The following NEGR1 variants were observed in gnomAD, a reference collection of about 807,000 sequenced individuals.
The protein encoded by NEGR1 is neuronal growth regulator 1, also known as IgLON family member 4.
NEGR1 carries 10 observed loss-of-function variants against 40.9 expected under a neutral mutation model. The ratio of observed to expected loss-of-function variants is 0.24; its 90% CI spans 0.15 to 0.42. The LOEUF is 0.42. Among genes scored for constraint, NEGR1 ranks in the 10% least tolerant of loss-of-function variants. The pLI, the probability that NEGR1 is intolerant of heterozygous loss-of-function variation, is 1.00. For synonymous variants in NEGR1, 185 were observed against 166.8 expected (o/e 1.11, Z -0.84); for missense variants, 352 against 438.9 (o/e 0.80, Z 1.77).
intron 2 of NEGR1, among the ~76,000 whole-genome samples, chr1:71,805,608 T>G (rs899167817): frequency 1.3e-5 from 2 of 152,310 alleles, no homozygotes; most frequent in South Asian, 2.1e-4. Flanking sequence ...AACATAATTT[T>G]AGAGATAATT....
chr1:72,027,578 T>C (rs1469036649), intron 1 of NEGR1, among the ~76,000 whole-genome samples: 2 of 152,094 alleles, frequency 1.3e-5, no homozygotes, highest in Non-Finnish European at 2.9e-5. Context: ...AAATATTAAA[T>C]CTGCCAGAAC....
intron 4 of NEGR1, among the ~76,000 whole-genome samples, chr1:71,628,145 T>C (rs961637141): frequency 4.6e-5 from 7 of 152,056 alleles, no homozygotes; most frequent in Non-Finnish European, 8.8e-5. Context: ...TTCTGAATTA[T>C]TGTCTCTTCT....
At chr1:72,018,289 C>T (rs899150053) in intron 1 of NEGR1, among the ~76,000 whole-genome samples, 1 of 152,094 alleles carries the variant, frequency 6.6e-6, no homozygotes, top group Non-Finnish European at 1.5e-5. Context: ...AAATAATGCC[C>T]TTGCCTTTAA....
intron 1 of NEGR1, among the ~76,000 whole-genome samples, chr1:72,179,904 G>T (rs1652302967): frequency 6.6e-6 from 1 of 151,860 alleles, no homozygotes; most frequent in Non-Finnish European, 1.5e-5. Context: ...TAAATGGAAA[G>T]ATATCCCTTG....
chr1:72,090,970 A>G (rs112367262), intron 1 of NEGR1, among the ~76,000 whole-genome samples: 3,489 of 152,328 alleles, frequency 0.023, 128 homozygotes, highest in African/African-American at 0.08. Flanking sequence ...TGCAGTGTAC[A>G]TGCAGATGCA....
At chr1:71,792,814 G>A (rs1038417061) in intron 2 of NEGR1, among the ~76,000 whole-genome samples, 1 of 152,062 alleles carries the variant, frequency 6.6e-6, no homozygotes, top group African/African-American at 2.4e-5. Flanking sequence ...CTTTTTGAAA[G>A]GGGGCATTAA....
chr1:71,401,375 T>A lies in NEGR1; in HGVS notation c.*6071A>T, dbSNP rs1469325585. 6.6e-6 allele frequency: 1 copy of A among 152,202 alleles called. No individual in the cohort carries two copies. 9.4% of individuals were successfully genotyped at this position (152,202 alleles called of 1,614,324 possible). A position where few individuals can be genotyped will look rare whatever the true frequency, so the allele number is the denominator to read the frequency against. On this transcript the variant is annotated 3_prime_UTR_variant, in exon 7 of 7. Transcript: ENST00000357731. ...AAATTATCCTTTTATCTGGTTGTAATGTCTTATCAGGTCCTTCATTAATGA... is the reference window on the plus strand; with the variant it reads ...AAATTATCCTTTTATCTGGTTGTAAAGTCTTATCAGGTCCTTCATTAATGA...
chr1:71,509,626 T>C (rs1258447187), intron 6 of NEGR1, among the ~76,000 whole-genome samples: 1 of 152,152 alleles, frequency 6.6e-6, no homozygotes, highest in Non-Finnish European at 1.5e-5. Flanking sequence ...AAAATACACA[T>C]GGCCACTGAA....
intron 1 of NEGR1, among the ~76,000 whole-genome samples, chr1:72,139,970 T>C (rs1409941807): frequency 6.6e-6 from 1 of 152,120 alleles, no homozygotes; most frequent in Non-Finnish European, 1.5e-5. Context: ...AGCCATTAGA[T>C]GAGTTTACCA....
intron 1 of NEGR1, among the ~76,000 whole-genome samples, chr1:72,030,084 C>A (rs932342107): frequency 2.6e-5 from 4 of 151,724 alleles, no homozygotes; most frequent in Non-Finnish European, 4.4e-5. Context: ...ATAAAGCCAG[C>A]CCTCATGTAG....
chr1:72,014,740 T>C (rs1203508564), intron 1 of NEGR1, among the ~76,000 whole-genome samples: 1 of 152,062 alleles, frequency 6.6e-6, no homozygotes, highest in Non-Finnish European at 1.5e-5. Context: ...TAAACCAATG[T>C]GGACATTGAG....
chr1:71,497,501 T>C (rs1426036941), intron 6 of NEGR1, among the ~76,000 whole-genome samples: 1 of 152,152 alleles, frequency 6.6e-6, no homozygotes, highest in Non-Finnish European at 1.5e-5. Context: ...GGGTTATTGA[T>C]CTTTTTTATA....
chr1:72,149,553 A>C (rs564520799), intron 1 of NEGR1, among the ~76,000 whole-genome samples: 1 of 152,256 alleles, frequency 6.6e-6, no homozygotes, highest in African/African-American at 2.4e-5. Context: ...CATGAAGCAC[A>C]ATCAATTAAT....
intron 1 of NEGR1, among the ~76,000 whole-genome samples, chr1:72,240,999 T>C (rs979194323): frequency 3.3e-5 from 5 of 151,814 alleles, no homozygotes; most frequent in African/African-American, 1.2e-4. Flanking sequence ...AAAACTGCAT[T>C]GACAGGATTA....
At chr1:72,090,143 T>C (rs1398081753) in intron 1 of NEGR1, among the ~76,000 whole-genome samples, 1 of 152,036 alleles carries the variant, frequency 6.6e-6, no homozygotes, top group African/African-American at 2.4e-5. Flanking sequence ...TTCTTAAATA[T>C]ACCTATGAGC....
intron 4 of NEGR1, among the ~76,000 whole-genome samples, chr1:71,675,656 T>C (rs1652603786): frequency 6.6e-6 from 1 of 151,990 alleles, no homozygotes; most frequent in African/African-American, 2.4e-5. Context: ...TTCAAAGAGA[T>C]AGTTAGAAAC....
At chr1:71,496,133 A>G (rs1003982246) in intron 6 of NEGR1, among the ~76,000 whole-genome samples, 8 of 152,122 alleles carry the variant, frequency 5.3e-5, no homozygotes, top group Admixed American at 2.0e-4. Context: ...AGATGCCAAT[A>G]GTCAGTGTGG....
In NEGR1 at chr1:72,132,496, TAAAC is replaced by T. The variant is rs1358504341; in HGVS notation, c.176+149819_176+149822del. Among the ~76,000 whole-genome samples the T allele has an allele frequency of 5.9e-5, 9 of 152,196 alleles. No individual in the cohort carries two copies. The East Asian group carries it at 1.7e-3, about 29-fold the overall frequency. ...CATTCATGAAAACAAACAAACAAAA[TAAAC>T]AAACAAAAAACTTGGGTTTGAATGA... is the stretch of plus-strand genomic sequence containing the variant. On this transcript the variant is annotated intron_variant, in intron 1 of 6. Transcript: ENST00000357731.
At chr1:72,154,422 A>C (rs959206305) in intron 1 of NEGR1, among the ~76,000 whole-genome samples, 3 of 152,130 alleles carry the variant, frequency 2.0e-5, no homozygotes, top group Admixed American at 2.0e-4. Context: ...TTCTGTTATC[A>C]GTGTAACTCG....
Sources: gnomAD v4.1 joint callset for allele counts (sites outside exome capture counted in the v4.1 genomes callset) on GRCh38, gnomAD v4.1.1 for gene constraint, MANE v1.5 for transcripts, NCBI Gene and HGNC (gene_info 2026-07-23, HGNC 2026-07-21) for gene names.